Variants in HS3ST5 observed in about 807,000 individuals in gnomAD.
The protein encoded by HS3ST5 is heparan sulfate glucosamine 3-O-sulfotransferase 5.
HS3ST5 carries 10 observed loss-of-function variants against 25.4 expected under a neutral mutation model. The ratio of observed to expected loss-of-function variants is 0.39; its 90% confidence interval spans 0.24 to 0.67. HS3ST5 has a LOEUF of 0.67. HS3ST5 is among the 30% of genes least tolerant of loss of function. The pLI is 0.44. For synonymous variants in HS3ST5, 170 were observed against 162.4 expected, an observed-to-expected ratio of 1.05 and a Z score of -0.36; for missense variants, 324 against 420.7, an observed-to-expected ratio of 0.77 and a Z score of 2.01.
chr6:114,081,068 T>C (rs1194006123), intron 3 of HS3ST5, among the ~76,000 whole-genome samples: 1 of 152,074 alleles, frequency 6.6e-6, no homozygotes, highest in Non-Finnish European at 1.5e-5. Context: ...TAGGGAGGCC[T>C]GAGGAGAGGA....
intron 3 of HS3ST5, among the ~76,000 whole-genome samples, chr6:114,127,436 A>G (rs1315880928): frequency 6.6e-6 from 1 of 152,194 alleles, no homozygotes; most frequent in Non-Finnish European, 1.5e-5. Flanking sequence ...CAAGAGTGAT[A>G]CAAATTTCTT....
At chr6:114,301,465 T>A (rs1357303580) in intron 1 of HS3ST5, among the ~76,000 whole-genome samples, 1 of 152,160 alleles carries the variant, frequency 6.6e-6, no homozygotes, top group Non-Finnish European at 1.5e-5. Context: ...CATATTTAAT[T>A]TGAGAAGCCT....
rs181793724 is a variant in HS3ST5, at chr6:114,141,682, A to G, written c.-33+26669T>C. 2.6e-5 allele frequency among the ~76,000 whole-genome samples: 4 copies of G among 152,268 alleles called. No homozygotes were observed. The East Asian group carries it at 7.7e-4, about 29-fold the overall frequency. Reference sequence around the variant, plus strand: ...TAACAATATGTACAATACCAAATGCATGAAACTCAGTTGGAATGTGACAAG... The same window carrying G: ...TAACAATATGTACAATACCAAATGCGTGAAACTCAGTTGGAATGTGACAAG... On this transcript the variant is annotated intron_variant, in intron 3 of 4. Transcript: ENST00000312719.
chr6:114,161,521 T>TTATATA (rs59921019), intron 3 of HS3ST5, among the ~76,000 whole-genome samples: 809 of 33,240 alleles, frequency 0.024, 64 homozygotes, highest in Non-Finnish European at 0.029. Flanking sequence ...TCCTGAAGTT[T>TTATATA]TATATATATA....
At chr6:114,228,074 T>C (rs1771388873) in intron 2 of HS3ST5, among the ~76,000 whole-genome samples, 1 of 152,132 alleles carries the variant, frequency 6.6e-6, no homozygotes, top group African/African-American at 2.4e-5. Flanking sequence ...TAGCATAAGG[T>C]TTGAAAATGG....
intron 1 of HS3ST5, among the ~76,000 whole-genome samples, chr6:114,291,113 T>C (rs2114774639): frequency 1.3e-5 from 2 of 152,154 alleles, no homozygotes; most frequent in Admixed American, 1.3e-4. Flanking sequence ...GATGCTCCTT[T>C]TCTCTGGAGA....
At chr6:114,266,967 C>T (rs1176578593) in intron 1 of HS3ST5, among the ~76,000 whole-genome samples, 1 of 152,152 alleles carries the variant, frequency 6.6e-6, no homozygotes, top group Non-Finnish European at 1.5e-5. Context: ...CTGCAGAGAA[C>T]ACTTGGCTCT....
chr6:114,151,900 T>C (rs1358201366), intron 3 of HS3ST5, among the ~76,000 whole-genome samples: 3 of 152,220 alleles, frequency 2.0e-5, no homozygotes, highest in African/African-American at 7.2e-5. Context: ...AGGTTAATTA[T>C]ATGGTGACAA....
chr6:114,170,435 T>A (rs1395188403), intron 2 of HS3ST5, among the ~76,000 whole-genome samples: 1 of 152,154 alleles, frequency 6.6e-6, no homozygotes, highest in Non-Finnish European at 1.5e-5. Flanking sequence ...ATAAAAAGGA[T>A]CAATTTCCTT....
chr6:114,256,629 C>A (rs1772937942), intron 1 of HS3ST5, among the ~76,000 whole-genome samples: 1 of 152,154 alleles, frequency 6.6e-6, no homozygotes, highest in African/African-American at 2.4e-5. Flanking sequence ...CATCTGAGAC[C>A]ACCTCAGCCT....
chr6:114,247,442 A>C (rs1772433952), intron 1 of HS3ST5, among the ~76,000 whole-genome samples: 1 of 152,188 alleles, frequency 6.6e-6, no homozygotes, highest in Non-Finnish European at 1.5e-5. Context: ...AAACTCCAAA[A>C]AGCAGAAAAT....
chr6:114,211,391 A>T (rs1265926204), intron 2 of HS3ST5, among the ~76,000 whole-genome samples: 5 of 152,214 alleles, frequency 3.3e-5, no homozygotes, highest in African/African-American at 1.2e-4. Flanking sequence ...TGTGTGAGTT[A>T]TTCCTCAGTT....
chr6:114,291,129 GA>G (rs1369221453), intron 1 of HS3ST5, among the ~76,000 whole-genome samples: 2 of 152,068 alleles, frequency 1.3e-5, no homozygotes, highest in Non-Finnish European at 2.9e-5. Flanking sequence ...GGAGATGAAA[GA>G]AGTCTCATCA....
Position 114,321,455 on chromosome 6 carries a change from G to T in HS3ST5, c.-339+20740C>A, listed in dbSNP as rs142969677. On this transcript the variant is annotated intron_variant, in intron 1 of 4. Coordinates refer to ENST00000312719, the MANE Select transcript of HS3ST5 (RefSeq NM_153612.4). ...ATAAAACTCTTTATTATCCTGCTTGGGCTTAGCACTTTCTGGCTTGAGTTA... is the reference window on the plus strand; with the variant it reads ...ATAAAACTCTTTATTATCCTGCTTGTGCTTAGCACTTTCTGGCTTGAGTTA... Among the ~76,000 whole-genome samples, 1,310 of 151,950 alleles carry T rather than the reference G, an allele frequency of 8.6e-3. 7 individuals are homozygous for T. The highest frequency in any genetic ancestry group is 0.013 in the Non-Finnish European group (914 of 67,946).
intron 3 of HS3ST5, among the ~76,000 whole-genome samples, chr6:114,144,210 G>T (rs1778046083): frequency 1.3e-5 from 2 of 152,056 alleles, no homozygotes; most frequent in South Asian, 4.2e-4. Flanking sequence ...GTGTTTTTAG[G>T]CTGAAAAACT....
rs756577121 is a variant in HS3ST5 at position 114,057,905 on chromosome 6, A to T, written c.393T>A (p.Asn131Lys). 1.9e-6 allele frequency: 3 copies of T among 1,614,156 alleles called. No individual in the cohort carries two copies. The highest frequency in any genetic ancestry group is 2.2e-5 in the South Asian group (2 of 91,082). ...TATACCACTCAATGCCCTTACCATA[A>T]TTCTCATCATTATCAAAAAAGTGGA... ...QEIHFFDNDENYGKGIEWYRK... is the reference protein window; with the variant it reads ...QEIHFFDNDEKYGKGIEWYRK... The change falls in exon 5 of 5, where the codon AAT becomes AAA. Residue 131 changes from asparagine (N) to lysine (K), a missense_variant. Asn to Lys is a moderately conservative substitution (Grantham distance 94, BLOSUM62 0). Coordinates refer to ENST00000312719, the MANE Select transcript of HS3ST5 (RefSeq NM_153612.4).
At chr6:114,251,623 C>T (rs1772663528) in intron 1 of HS3ST5, 1 of 152,120 alleles carries the variant, frequency 6.6e-6, no homozygotes, top group Non-Finnish European at 1.5e-5. Context: ...AATCTCCAGG[C>T]CACACCAATT....
rs532727545 is a variant in HS3ST5, at chr6:114,108,494, G to A, written c.-32-45617C>T. ...GAGCTTGTGGCCACCTGGTGATGCCGGCCCCTAGAAGAGCCTGTCCAGTGC... is the reference window on the plus strand; with the variant it reads ...GAGCTTGTGGCCACCTGGTGATGCCAGCCCCTAGAAGAGCCTGTCCAGTGC... On this transcript the variant is annotated intron_variant, in intron 3 of 4. Coordinates refer to ENST00000312719, the MANE Select transcript of HS3ST5 (RefSeq NM_153612.4). Among the ~76,000 whole-genome samples the A allele has an allele frequency of 8.5e-5, 13 of 152,158 alleles. No individual in the cohort carries two copies. In the South Asian group the frequency reaches 1.0e-3, roughly 12 times the overall value.
intron 3 of HS3ST5, among the ~76,000 whole-genome samples, chr6:114,074,407 GA>G (rs1774002427): frequency 6.6e-6 from 1 of 151,822 alleles, no homozygotes; most frequent in South Asian, 2.1e-4. Context: ...TATTTACCAG[GA>G]CATCACTAAT....
Sources: allele counts gnomAD v4.1 joint callset (sites outside exome capture counted in the v4.1 genomes callset), GRCh38; gene constraint gnomAD v4.1.1; transcripts MANE v1.5; gene names NCBI Gene and HGNC (gene_info 2026-07-23, HGNC 2026-07-21).